MCC: variants seen among roughly 807,000 people sequenced by gnomAD.
MCC encodes colorectal mutant cancer protein.
Under a neutral mutation model 116.2 loss-of-function variants are expected in MCC, and 90 were observed. That is an observed-to-expected ratio of 0.77 (90% CI 0.65 to 0.92). The LOEUF (loss-of-function observed/expected upper bound fraction) is 0.92. Among genes scored for constraint, MCC ranks in the 40% least tolerant of loss-of-function variants. The pLI is 0.00. For missense variants in MCC, 1,516 were observed against 1,312.2 expected, an observed-to-expected ratio of 1.16 and a Z score of -2.40; for synonymous variants, 578 against 510.5, an observed-to-expected ratio of 1.13 and a Z score of -1.78.
At chr5:113,343,393 C>T (rs1768057843) in intron 2 of MCC, among the ~76,000 whole-genome samples, 1 of 152,192 alleles carries the variant, frequency 6.6e-6, no homozygotes, top group Non-Finnish European at 1.5e-5. Flanking sequence ...AAGGCAGGTT[C>T]TTCTTTCCTT....
chr5:113,184,939 A>G (rs1449200239), intron 3 of MCC, among the ~76,000 whole-genome samples: 1 of 152,200 alleles, frequency 6.6e-6, no homozygotes, highest in Non-Finnish European at 1.5e-5. Flanking sequence ...TTAGCCTGAG[A>G]GTAACTTTGT....
chr5:113,206,104 G>C (rs899938698), intron 3 of MCC, among the ~76,000 whole-genome samples: 1 of 152,208 alleles, frequency 6.6e-6, no homozygotes, highest in Admixed American at 6.5e-5. Flanking sequence ...CAGAATGACA[G>C]GTCACTACGG....
At position 113,101,682 on chromosome 5, in the gene MCC, C is replaced by A; in HGVS notation, c.1398+57G>T. ...CGGTGCCCCTGGTGCTATACACCAG[C>A]CTCTCTCAGCCCCATGCCCAGGAAG... is the stretch of plus-strand genomic sequence containing the variant. On this transcript the variant is annotated intron_variant, in intron 8 of 18. Coordinates refer to ENST00000408903, the MANE Select transcript of MCC (RefSeq NM_001085377.2). 3 of 1,578,996 alleles carry A rather than the reference C, an allele frequency of 1.9e-6. No individual in the cohort carries two copies. In the South Asian group the frequency reaches 3.3e-5, roughly 17 times the overall value.
intron 2 of MCC, among the ~76,000 whole-genome samples, chr5:113,361,789 G>A (rs1261917705): frequency 2.6e-5 from 4 of 152,200 alleles, no homozygotes; most frequent in Non-Finnish European, 5.9e-5. Flanking sequence ...ACTCTCTTCT[G>A]GAGCTTGTAT....
At chr5:113,456,318 C>A (rs1167701003) in intron 1 of MCC, among the ~76,000 whole-genome samples, 1 of 152,108 alleles carries the variant, frequency 6.6e-6, no homozygotes, top group East Asian at 1.9e-4. Context: ...TTATATGGGT[C>A]GAGTATCTTT....
At chr5:113,357,713 G>A (rs1412008339) in intron 2 of MCC, among the ~76,000 whole-genome samples, 2 of 152,142 alleles carry the variant, frequency 1.3e-5, no homozygotes, top group Non-Finnish European at 2.9e-5. Context: ...TACTGGTAAC[G>A]GAAGAACGCC....
chr5:113,111,058 G>A (rs560346330), intron 6 of MCC, among the ~76,000 whole-genome samples: 24 of 152,202 alleles, frequency 1.6e-4, no homozygotes, highest in African/African-American at 5.5e-4. Context: ...ATTTTCCTCA[G>A]TTGGCCTCCT....
chr5:113,280,301 T>A lies in MCC; in HGVS notation c.627+60218A>T, dbSNP rs139486200. 4.9e-3 allele frequency among the ~76,000 whole-genome samples: 752 copies of A among 152,328 alleles called. 5 individuals are homozygous for A. The highest frequency in any genetic ancestry group is 0.017 in the African/African-American group (716 of 41,570). On this transcript the variant is annotated intron_variant, in intron 3 of 18. Coordinates refer to ENST00000408903, the MANE Select transcript of MCC (RefSeq NM_001085377.2). The stretch of plus-strand genomic sequence containing the variant: ...CAGGGGCTCACACCGCTGGTTGATA[T>A]AAAAGTAGTTGCCCTATGTGTAACT...
chr5:113,284,490 C>G (rs1163704587), intron 3 of MCC, among the ~76,000 whole-genome samples: 1 of 152,084 alleles, frequency 6.6e-6, no homozygotes, highest in Admixed American at 6.5e-5. Flanking sequence ...AAAACACATA[C>G]CTTAATGTAA....
intron 6 of MCC, among the ~76,000 whole-genome samples, chr5:113,105,244 CA>C (rs1756662411): frequency 6.6e-6 from 1 of 152,222 alleles, no homozygotes; most frequent in African/African-American, 2.4e-5. Context: ...CCTAACCCTG[CA>C]TGAAAATTGC....
intron 1 of MCC, among the ~76,000 whole-genome samples, chr5:113,391,292 G>A (rs911681643): frequency 2.0e-5 from 3 of 152,156 alleles, no homozygotes; most frequent in Non-Finnish European, 4.4e-5. Context: ...GCTGCTGGGT[G>A]GTACTAAAAC....
chr5:113,317,806 A>G (rs557006280), intron 3 of MCC, among the ~76,000 whole-genome samples: 73 of 152,314 alleles, frequency 4.8e-4, no homozygotes, highest in African/African-American at 1.7e-3. Context: ...AAAAAGGTAT[A>G]CTACTAAGTT....
chr5:113,220,284 C>G (rs1034777548), intron 3 of MCC, among the ~76,000 whole-genome samples: 6 of 151,810 alleles, frequency 4.0e-5, no homozygotes, highest in Admixed American at 1.3e-4. Flanking sequence ...TGGTCTCGAT[C>G]TCCTGACCTC....
intron 3 of MCC, among the ~76,000 whole-genome samples, chr5:113,330,884 A>T (rs1767681630): frequency 6.6e-6 from 1 of 152,232 alleles, no homozygotes; most frequent in African/African-American, 2.4e-5. Context: ...TTATTAGGAG[A>T]GTGATATGAC....
chr5:113,308,747 G>C (rs902508461), intron 3 of MCC, among the ~76,000 whole-genome samples: 1 of 151,838 alleles, frequency 6.6e-6, no homozygotes, highest in African/African-American at 2.4e-5. Flanking sequence ...AGGCCACCTT[G>C]AGCCATGATT....
At chr5:113,423,092 C>G (rs1162692434) in intron 1 of MCC, among the ~76,000 whole-genome samples, 1 of 152,208 alleles carries the variant, frequency 6.6e-6, no homozygotes, top group Non-Finnish European at 1.5e-5. Flanking sequence ...CCAGCAGAGG[C>G]TGAACAAAGC....
intron 3 of MCC, among the ~76,000 whole-genome samples, chr5:113,158,048 C>T (rs1760272279): frequency 6.6e-6 from 1 of 152,166 alleles, no homozygotes; most frequent in Admixed American, 6.5e-5. Flanking sequence ...AGGAAGGAGC[C>T]CTTCCCCAGG....
At chr5:113,096,581 C>T (rs1478381673) in intron 8 of MCC, among the ~76,000 whole-genome samples, 1 of 152,154 alleles carries the variant, frequency 6.6e-6, no homozygotes, top group Non-Finnish European at 1.5e-5. Context: ...TGTTCCTAAG[C>T]CCCTTTATGG....
At chr5:113,265,768 C>T (rs1765396069) in intron 3 of MCC, among the ~76,000 whole-genome samples, 1 of 152,042 alleles carries the variant, frequency 6.6e-6, no homozygotes, top group Non-Finnish European at 1.5e-5. Context: ...CATACGTCAC[C>T]AGGATTTACA....
Sources: gnomAD v4.1 joint callset for allele counts (sites outside exome capture counted in the v4.1 genomes callset) on GRCh38, gnomAD v4.1.1 for gene constraint, MANE v1.5 for transcripts, NCBI Gene and HGNC (gene_info 2026-07-23, HGNC 2026-07-21) for gene names.